ZBTB44: variants seen among roughly 807,000 people sequenced by gnomAD.
ZBTB44 encodes the protein zinc finger and BTB domain-containing protein 44.
Under a neutral mutation model 54.0 loss-of-function variants are expected in ZBTB44, and 15 were observed. The observed-to-expected ratio is 0.28, with a 90% CI of 0.19 to 0.43. The LOEUF is 0.43. Among genes scored for constraint, ZBTB44 ranks in the 20% least tolerant of loss-of-function variants. The probability of loss-of-function intolerance (pLI) is 1.00; values close to 1 mark genes in which losing one functional copy is unlikely to be tolerated. For synonymous variants in ZBTB44, 230 were observed against 250.1 expected (o/e 0.92, Z 0.76); for missense variants, 487 against 707.1 (o/e 0.69, Z 3.53).
chr11:130,241,651 C>CT (rs140952518), intron 2 of ZBTB44, among the ~76,000 whole-genome samples: 11 of 151,216 alleles, frequency 7.3e-5, no homozygotes, highest in East Asian at 1.9e-4. Context: ...CATCCCATGG[C>CT]TTTTTTTTTC....
At chr11:130,301,647 GA>G (rs1235278871) in intron 1 of ZBTB44, among the ~76,000 whole-genome samples, 1 of 152,106 alleles carries the variant, frequency 6.6e-6, no homozygotes, top group African/African-American at 2.4e-5. Context: ...CTGGGCAATT[GA>G]GCCAGATTCT....
chr11:130,262,142 GTTTT>G (rs1938905258), intron 1 of ZBTB44, among the ~76,000 whole-genome samples: 1 of 150,320 alleles, frequency 6.7e-6, no homozygotes, highest in African/African-American at 2.4e-5. Flanking sequence ...GTTTTTTTTT[GTTTT>G]GTTTTGTTTT....
At chr11:130,306,475 C>T (rs1016405496) in intron 1 of ZBTB44, among the ~76,000 whole-genome samples, 2 of 151,580 alleles carry the variant, frequency 1.3e-5, no homozygotes. Context: ...GCACTCCAAC[C>T]TGGGCAACAA....
chr11:130,303,781 G>GT (rs901669777), intron 1 of ZBTB44, among the ~76,000 whole-genome samples: 22 of 149,880 alleles, frequency 1.5e-4, no homozygotes, highest in African/African-American at 2.7e-4. Context: ...GTAATTTTAA[G>GT]TTTTTTTTTT....
chr11:130,290,461 G>C (rs571986766), intron 1 of ZBTB44, among the ~76,000 whole-genome samples: 1 of 152,244 alleles, frequency 6.6e-6, no homozygotes, highest in Admixed American at 6.5e-5. Context: ...TCCTAACACA[G>C]ACCTGGTCAC....
intron 1 of ZBTB44, among the ~76,000 whole-genome samples, chr11:130,291,356 C>T (rs1366758996): frequency 6.6e-6 from 1 of 152,164 alleles, no homozygotes; most frequent in African/African-American, 2.4e-5. Flanking sequence ...CCAGGCTGGT[C>T]TCGAGCTCCT....
At chr11:130,309,819 G>T (rs1033684967) in intron 1 of ZBTB44, among the ~76,000 whole-genome samples, 1 of 150,796 alleles carries the variant, frequency 6.6e-6, no homozygotes, top group Non-Finnish European at 1.5e-5. Flanking sequence ...TTGAACCCAG[G>T]GGGCAGAGGT....
intron 1 of ZBTB44, among the ~76,000 whole-genome samples, chr11:130,280,408 C>G (rs1327747036): frequency 6.6e-6 from 1 of 151,954 alleles, no homozygotes; most frequent in Non-Finnish European, 1.5e-5. Context: ...TCAAGTGAAA[C>G]AATTCTGTGT....
chr11:130,265,111 C>T (rs549347089), intron 1 of ZBTB44, among the ~76,000 whole-genome samples: 181 of 152,272 alleles, frequency 1.2e-3, no homozygotes, highest in African/African-American at 4.2e-3. Context: ...CCCCATCTCT[C>T]TCCTCCTCCT....
intron 1 of ZBTB44, among the ~76,000 whole-genome samples, chr11:130,275,505 T>G (rs774364715): frequency 6.6e-6 from 1 of 152,128 alleles, no homozygotes; most frequent in Non-Finnish European, 1.5e-5. Flanking sequence ...CTGATTTCAT[T>G]TGGATTTCTT....
At position 130,236,973 on chromosome 11, in the gene ZBTB44, G is replaced by C; in HGVS notation, c.1388C>G (p.Thr463Ser). ...RCFRCQICSATFTSFGEYKHH... is the reference protein window; with the variant it reads ...RCFRCQICSASFTSFGEYKHH... ...TTTATATTCCCCGAAGGAAGTGAAA[G>C]TGGCACTACATATCTGGCACCGGAA... Residue 463 changes from threonine to serine, a missense_variant, in exon 5 of 8, where the codon ACT (threonine) becomes AGT (serine). Physicochemically the swap from Thr to Ser is moderately conservative, Grantham distance 58. Around this residue, in one of 3 missense-constraint regions of ZBTB44, gnomAD observed 120 missense variants for 240.3 expected, o/e 0.50. Transcript: ENST00000357899. 1 of 1,613,344 alleles carries C rather than the reference G, an allele frequency of 6.2e-7. No homozygotes were observed. Among genetic ancestry groups the C allele is most frequent in the Non-Finnish European group, 8.5e-7 (1 of 1,179,644 alleles).
chr11:130,251,621 C>A (rs1938012790), intron 2 of ZBTB44, among the ~76,000 whole-genome samples: 3 of 152,156 alleles, frequency 2.0e-5, no homozygotes, highest in African/African-American at 7.2e-5. Flanking sequence ...GGCCAATATT[C>A]AAATTCTTAA....
intron 2 of ZBTB44, among the ~76,000 whole-genome samples, chr11:130,254,539 C>G (rs1406389839): frequency 2.6e-5 from 4 of 152,282 alleles, no homozygotes; most frequent in African/African-American, 9.6e-5. Context: ...CATCTCACAC[C>G]AGTTAGAATG....
At chr11:130,272,011 A>T (rs1240435755) in intron 1 of ZBTB44, among the ~76,000 whole-genome samples, 1 of 152,002 alleles carries the variant, frequency 6.6e-6, no homozygotes, top group African/African-American at 2.4e-5. Flanking sequence ...CGGGTGGATT[A>T]CTTGAGGTCA....
chr11:130,240,379 A>C lies in ZBTB44; in HGVS notation c.1019-483T>G, dbSNP rs1356812824. Among the ~76,000 whole-genome samples the C allele has an allele frequency of 1.2e-4, 19 of 152,096 alleles. 1 individual carries two copies. The highest frequency in any genetic ancestry group is 2.5e-4 in the Non-Finnish European group (17 of 68,022). On this transcript the variant is annotated intron_variant, in intron 2 of 7. Transcript: ENST00000357899. The stretch of plus-strand genomic sequence containing the variant: ...TAAATGTTTGTGATTTTAAAGAAAA[A>C]CCACATGTAAGATAATAGTCTTATA...
At chr11:130,237,387 C>T (rs1954149766) in intron 4 of ZBTB44, among the ~76,000 whole-genome samples, 1 of 152,176 alleles carries the variant, frequency 6.6e-6, no homozygotes, top group Non-Finnish European at 1.5e-5. Context: ...CTTCAAAACA[C>T]AATTTAACTA....
intron 1 of ZBTB44, among the ~76,000 whole-genome samples, chr11:130,286,981 A>G (rs1941004930): frequency 6.6e-6 from 1 of 152,240 alleles, no homozygotes; most frequent in South Asian, 2.1e-4. Flanking sequence ...CTAAAATCTC[A>G]GCAATATCCC....
rs185015954 is a variant in ZBTB44, at chr11:130,245,199, T to C, written c.1019-5303A>G. Among the ~76,000 whole-genome samples the C allele has an allele frequency of 2.9e-3, 435 of 152,344 alleles. 1 individual carries two copies. The highest frequency in any genetic ancestry group is 4.4e-3 in the Non-Finnish European group (298 of 68,032). On this transcript the variant is annotated intron_variant, in intron 2 of 7. Transcript: ENST00000357899. ...CTGGTGTATGTGTAGCATTTCTGTG[T>C]GTGTCTTTTCTTTTTCTTTCTCTAT...
chr11:130,238,872 T>C (rs1044520180), intron 3 of ZBTB44: 7 of 259,252 alleles, frequency 2.7e-5, no homozygotes, highest in African/African-American at 1.3e-4. Flanking sequence ...GCAAGGCCTA[T>C]AGATTTTAGG....
Sources: gnomAD v4.1 joint callset for allele counts (sites outside exome capture counted in the v4.1 genomes callset) on GRCh38, gnomAD v4.1.1 for gene constraint, gnomAD v4.1.1 regional missense constraint, MANE v1.5 for transcripts, NCBI Gene and HGNC (gene_info 2026-07-23, HGNC 2026-07-21) for gene names.